Variants in MACC1 observed in about 807,000 individuals in gnomAD.
MACC1 encodes metastasis-associated in colon cancer protein 1.
MACC1 carries 79 observed loss-of-function variants against 70.7 expected under a neutral mutation model. The ratio of observed to expected loss-of-function variants is 1.12; its 90% CI spans 0.93 to 1.35. MACC1 has a LOEUF of 1.35. MACC1 is among the 40% of genes most tolerant of loss of function. The pLI is 0.00. For missense variants in MACC1, 1,106 were observed against 978.1 expected, an observed-to-expected ratio of 1.13 and a Z score of -1.74; for synonymous variants, 361 against 347.2, an observed-to-expected ratio of 1.04 and a Z score of -0.44.
chr7:20,180,028 C>T (rs1782477204), intron 1 of MACC1, among the ~76,000 whole-genome samples: 1 of 152,094 alleles, frequency 6.6e-6, no homozygotes, highest in Non-Finnish European at 1.5e-5. Flanking sequence ...GTGTCAAAAC[C>T]TGAAGCTGCT....
intron 6 of MACC1, among the ~76,000 whole-genome samples, chr7:20,143,328 A>G (rs539679397): frequency 9.2e-5 from 14 of 152,288 alleles, no homozygotes; most frequent in African/African-American, 3.4e-4. Context: ...CTACTCATGC[A>G]CTTACGCAGA....
At chr7:20,188,248 C>G (rs544888106) in intron 1 of MACC1, among the ~76,000 whole-genome samples, 1 of 152,156 alleles carries the variant, frequency 6.6e-6, no homozygotes, top group Non-Finnish European at 1.5e-5. Context: ...CAAACGATAT[C>G]ACAGAACTTC....
intron 1 of MACC1, among the ~76,000 whole-genome samples, chr7:20,173,057 C>T (rs1782335805): frequency 6.6e-6 from 1 of 152,192 alleles, no homozygotes; most frequent in Non-Finnish European, 1.5e-5. Flanking sequence ...AACCATTCCT[C>T]TGCATCAAAA....
chr7:20,135,900 G>T lies in MACC1; in HGVS notation c.*5046C>A, dbSNP rs1419603329. The T allele has an allele frequency of 2.6e-5, 4 of 152,132 alleles. No homozygotes were observed. In the East Asian group the frequency reaches 7.7e-4, roughly 29 times the overall value. 9.4% of individuals were successfully genotyped at this position (152,132 alleles called of 1,614,324 possible). On this transcript the variant is annotated 3_prime_UTR_variant, in exon 7 of 7. Transcript: ENST00000400331. ...AAAGATTATGTAAAGAATAAATGAG[G>T]ATATTTGTAAGGTGCTTAGTGTGCT...
chr7:20,168,011 A>G (rs1782245972), intron 2 of MACC1, among the ~76,000 whole-genome samples: 1 of 152,184 alleles, frequency 6.6e-6, no homozygotes, highest in Non-Finnish European at 1.5e-5. Context: ...GGCCATGAAG[A>G]AAGGAGAAAA....
At chr7:20,190,300 A>G (rs1782653453) in intron 1 of MACC1, among the ~76,000 whole-genome samples, 1 of 152,200 alleles carries the variant, frequency 6.6e-6, no homozygotes, top group Non-Finnish European at 1.5e-5. Flanking sequence ...AATTGCAATC[A>G]TGGCAAAATA....
intron 1 of MACC1, among the ~76,000 whole-genome samples, chr7:20,177,314 T>C (rs1403078751): frequency 6.6e-6 from 1 of 152,178 alleles, no homozygotes; most frequent in Non-Finnish European, 1.5e-5. Flanking sequence ...TTTTAAACTA[T>C]GCTGTTCAAA....
At chr7:20,181,339 G>A (rs1782503760) in intron 1 of MACC1, among the ~76,000 whole-genome samples, 1 of 151,884 alleles carries the variant, frequency 6.6e-6, no homozygotes. Flanking sequence ...GACAGTTACA[G>A]TATAAAATAT....
Position 20,193,781 on chromosome 7 carries a change from T to TC in MACC1, c.-217-23004dup, listed in dbSNP as rs1001169247. Among the ~76,000 whole-genome samples, 7 of 116,800 alleles carry TC rather than the reference T, an allele frequency of 6.0e-5. No individual in the cohort carries two copies. The South Asian group carries it at 1.5e-3, about 25-fold the overall frequency. The allele number at this position is 116,800 out of a possible 152,430, so 76.6% of individuals were successfully genotyped here. A position where few individuals can be genotyped will look rare whatever the true frequency, so the allele number is the denominator to read the frequency against. On this transcript the variant is annotated intron_variant, in intron 1 of 6. Transcript: ENST00000400331. ...GGAAGTTTGGCCTCTTTCTATTCCT[T>TC]CTTTTTTTTTTTTTTGTCTCATGAA...
intron 1 of MACC1, among the ~76,000 whole-genome samples, chr7:20,206,329 C>G (rs1325561268): frequency 2.0e-5 from 3 of 152,048 alleles, no homozygotes; most frequent in African/African-American, 7.2e-5. Context: ...CTGCTCTAGG[C>G]AAGACTTCCA....
chr7:20,174,518 A>G (rs1782363610), intron 1 of MACC1, among the ~76,000 whole-genome samples: 1 of 152,196 alleles, frequency 6.6e-6, no homozygotes. Context: ...AAGATTTTAT[A>G]TGGTATAATG....
chr7:20,178,403 T>C (rs146981121), intron 1 of MACC1, among the ~76,000 whole-genome samples: 74 of 152,308 alleles, frequency 4.9e-4, no homozygotes, highest in African/African-American at 1.7e-3. Flanking sequence ...AGGTTTACAG[T>C]TGTATACCTT....
rs556179720 is a variant in MACC1 at position 20,136,212 on chromosome 7, G to C, written c.*4734C>G. 1.3e-5 allele frequency: 2 copies of C among 152,272 alleles called. No individual in the cohort carries two copies. The highest frequency in any genetic ancestry group is 4.2e-4 in the South Asian group (2 of 4,818). The allele number at this position is 152,272 out of a possible 1,614,324, so 9.4% of individuals were successfully genotyped here. On this transcript the variant is annotated 3_prime_UTR_variant, in exon 7 of 7. Transcript: ENST00000400331. ...GTCTCATAGGGAGTAAGGGAGTAAT[G>C]GACAAAGATTAGAAACCGCAGCTCT...
At chr7:20,181,960 G>A (rs970350636) in intron 1 of MACC1, among the ~76,000 whole-genome samples, 30 of 152,118 alleles carry the variant, frequency 2.0e-4, no homozygotes, top group Non-Finnish European at 2.2e-4. Context: ...ATTAGTGATA[G>A]ACTGGATTAA....
intron 1 of MACC1, among the ~76,000 whole-genome samples, chr7:20,194,761 TAA>T (rs1328286499): frequency 6.6e-6 from 1 of 152,194 alleles, no homozygotes; most frequent in Admixed American, 6.5e-5. Flanking sequence ...ATCTCAATAC[TAA>T]AAGAGGATAT....
At chr7:20,182,649 C>T (rs1191194786) in intron 1 of MACC1, among the ~76,000 whole-genome samples, 1 of 152,138 alleles carries the variant, frequency 6.6e-6, no homozygotes, top group African/African-American at 2.4e-5. Context: ...CGAAGAGTTG[C>T]CTGTCTTGCT....
At chr7:20,203,350 C>G (rs1044987819) in intron 1 of MACC1, among the ~76,000 whole-genome samples, 2 of 152,072 alleles carry the variant, frequency 1.3e-5, no homozygotes, top group Non-Finnish European at 2.9e-5. Flanking sequence ...ACTGAGGGCT[C>G]CGAAGTTGGA....
chr7:20,185,384 A>G (rs931843439), intron 1 of MACC1, among the ~76,000 whole-genome samples: 1 of 152,220 alleles, frequency 6.6e-6, no homozygotes, highest in African/African-American at 2.4e-5. Context: ...AATGAAATTG[A>G]CATGTAATCA....
chr7:20,194,400 T>C (rs1782718328), intron 1 of MACC1, among the ~76,000 whole-genome samples: 1 of 152,218 alleles, frequency 6.6e-6, no homozygotes, highest in Non-Finnish European at 1.5e-5. Context: ...AGTACTCCCC[T>C]GATGTGTTTG....
Sources: allele counts gnomAD v4.1 joint callset (sites outside exome capture counted in the v4.1 genomes callset), GRCh38; gene constraint gnomAD v4.1.1; transcripts MANE v1.5; gene names NCBI Gene and HGNC (gene_info 2026-07-23, HGNC 2026-07-21).